Variants in RASSF3 observed in about 807,000 individuals in gnomAD.
RASSF3 encodes the protein ras association domain-containing protein 3.
In RASSF3, 19 loss-of-function variants were observed where a neutral mutation model predicts 19.9. The ratio of observed to expected loss-of-function variants is 0.96; its 90% CI spans 0.67 to 1.40. RASSF3 has a LOEUF of 1.40. RASSF3 is among the 40% of genes most tolerant of loss of function. The pLI, the probability that RASSF3 is intolerant of heterozygous loss-of-function variation, is 0.00. For missense variants in RASSF3, 306 were observed against 289.8 expected (o/e 1.06, Z -0.41); for synonymous variants, 110 against 104.2 (o/e 1.06, Z -0.34).
At chr12:64,585,009 C>T (rs1057119063) in intron 2 of RASSF3, among the ~76,000 whole-genome samples, 4 of 151,264 alleles carry the variant, frequency 2.6e-5, no homozygotes, top group African/African-American at 7.3e-5. Flanking sequence ...CCTCAGCCTC[C>T]TGAGTAGCTG....
At chr12:64,535,177 C>T (rs11175431) in intron 1 of RASSF3, among the ~76,000 whole-genome samples, 55,400 of 151,784 alleles carry the variant, frequency 0.36, 11,125 homozygotes, top group East Asian at 0.66. Context: ...GCTAATCCTG[C>T]AAATCGGTGG....
intron 1 of RASSF3, among the ~76,000 whole-genome samples, chr12:64,649,329 AC>A (rs1390812993): frequency 6.6e-6 from 1 of 151,782 alleles, no homozygotes; most frequent in Non-Finnish European, 1.5e-5. Context: ...AGTAGCTGGG[AC>A]TACAGGCACC....
intron 2 of RASSF3, among the ~76,000 whole-genome samples, chr12:64,568,862 A>G (rs149779690): frequency 1.9e-4 from 29 of 152,260 alleles, no homozygotes; most frequent in Non-Finnish European, 3.2e-4. Flanking sequence ...GGCACAAGCC[A>G]TCATGCCCAG....
intron 1 of RASSF3, among the ~76,000 whole-genome samples, chr12:64,682,483 C>T (rs1011392670): frequency 6.6e-6 from 1 of 151,276 alleles, no homozygotes; most frequent in Admixed American, 6.6e-5. Context: ...AGGAGAATGG[C>T]GTGAACCCAG....
intron 1 of RASSF3, among the ~76,000 whole-genome samples, chr12:64,634,559 C>T (rs59725702): frequency 0.016 from 2,373 of 152,000 alleles, 70 homozygotes; most frequent in African/African-American, 0.053. Context: ...ACCATTCTGC[C>T]CAAGCTTCAC....
chr12:64,684,186 G>A (rs558686414), intron 1 of RASSF3, among the ~76,000 whole-genome samples: 1 of 150,834 alleles, frequency 6.6e-6, no homozygotes, highest in East Asian at 2.0e-4. Context: ...TCTGGGCTGA[G>A]GTGATGCTCC....
intron 2 of RASSF3, among the ~76,000 whole-genome samples, chr12:64,550,061 A>G (rs1050532071): frequency 1.4e-4 from 21 of 152,290 alleles, no homozygotes; most frequent in African/African-American, 5.1e-4. Context: ...AAAAGAAGAA[A>G]TAACACAGAG....
chr12:64,591,403 G>C (rs1869919735), intron 2 of RASSF3, among the ~76,000 whole-genome samples: 1 of 151,902 alleles, frequency 6.6e-6, no homozygotes, highest in Non-Finnish European at 1.5e-5. Context: ...ATGAACCTGG[G>C]AGGCGGAGGT....
At chr12:64,656,526 G>C (rs934516673) in intron 1 of RASSF3, among the ~76,000 whole-genome samples, 1 of 152,112 alleles carries the variant, frequency 6.6e-6, no homozygotes, top group Non-Finnish European at 1.5e-5. Flanking sequence ...ACCTTTTTCT[G>C]TTCTCCAGAT....
upstream of RASSF3, among the ~76,000 whole-genome samples, chr12:64,530,472 T>C (rs563955456): frequency 1.3e-5 from 2 of 152,296 alleles, no homozygotes; most frequent in South Asian, 2.1e-4. Context: ...TATTTTCCTG[T>C]TGATGGACAT....
chr12:64,550,300 A>G (rs73317515), intron 2 of RASSF3, among the ~76,000 whole-genome samples: 3,751 of 152,182 alleles, frequency 0.025, 147 homozygotes, highest in African/African-American at 0.085. Context: ...GGGGAAAGAA[A>G]GGGAGAAGAG....
At chr12:64,654,167 T>A (rs1419555605) in intron 1 of RASSF3, 1 of 152,046 alleles carries the variant, frequency 6.6e-6, no homozygotes, top group Non-Finnish European at 1.5e-5. Context: ...TTATTTTTAT[T>A]TTTTTGAGAC....
intron 1 of RASSF3, among the ~76,000 whole-genome samples, chr12:64,539,862 C>T (rs1373529654): frequency 6.6e-6 from 1 of 152,106 alleles, no homozygotes; most frequent in Non-Finnish European, 1.5e-5. Flanking sequence ...TACAGATAGA[C>T]CAATAATAAA....
chr12:64,519,631 AAT>A (rs781416330), intron 1 of RASSF3, among the ~76,000 whole-genome samples: 2 of 151,530 alleles, frequency 1.3e-5, no homozygotes, highest in African/African-American at 2.4e-5. Context: ...AATCTAAGTG[AAT>A]ATATATATAT....
chr12:64,597,721 G>C (rs988310138), intron 2 of RASSF3, among the ~76,000 whole-genome samples: 2 of 152,088 alleles, frequency 1.3e-5, no homozygotes, highest in South Asian at 2.1e-4. Flanking sequence ...GCCTCCCAAA[G>C]TGCCGGGATT....
At chr12:64,516,488 G>C (rs931568332) in intron 1 of RASSF3, among the ~76,000 whole-genome samples, 2 of 150,194 alleles carry the variant, frequency 1.3e-5, no homozygotes, top group Non-Finnish European at 3.0e-5. Context: ...GCGTAGTGGC[G>C]GGCGCCTGTA....
chr12:64,641,435 A>C (rs1871526248), intron 1 of RASSF3, among the ~76,000 whole-genome samples: 1 of 68,866 alleles, frequency 1.5e-5, no homozygotes, highest in Admixed American at 1.2e-4. Flanking sequence ...CGCGTTGAAA[A>C]CAAATGAGAA....
intron 2 of RASSF3, among the ~76,000 whole-genome samples, chr12:64,685,420 T>C (rs2136219589): frequency 6.6e-6 from 1 of 152,198 alleles, no homozygotes; most frequent in East Asian, 1.9e-4. Context: ...AATTTTTGTA[T>C]TTTTTGTAGA....
In RASSF3 at chr12:64,610,690, A is replaced by G. The variant is rs771194120; in HGVS notation, c.58A>G (p.Arg20Gly). 1 of 1,596,030 alleles carries G rather than the reference A, an allele frequency of 6.3e-7. No individual in the cohort carries two copies. Among genetic ancestry groups the G allele is most frequent in the Non-Finnish European group, 8.5e-7 (1 of 1,172,956 alleles). ...CGCCGAGGACTTCTTCTTCACCGCC[A>G]GGACCTCCTTCTTCAGGAGAGCGCC... ...EDAEDFFFTA[R>G]TSFFRRAPQG... Residue 20 changes from arginine (R) to glycine (G), a missense_variant, in exon 1 of 5, where the codon AGG becomes GGG. Arg to Gly is a moderately radical substitution (Grantham distance 125). Transcript: ENST00000542104.
Sources: allele counts gnomAD v4.1 joint callset (sites outside exome capture counted in the v4.1 genomes callset), GRCh38; gene constraint gnomAD v4.1.1; transcripts MANE v1.5; gene names NCBI Gene and HGNC (gene_info 2026-07-23, HGNC 2026-07-21).